The following BRD4 variants were observed in gnomAD, a reference collection of about 807,000 sequenced individuals.
BRD4 encodes bromodomain containing 4.
BRD4 carries 16 observed loss-of-function variants against 142.1 expected under a neutral mutation model. The ratio of observed to expected loss-of-function variants is 0.11; its 90% CI spans 0.08 to 0.17. The LOEUF is 0.17. Among genes scored for constraint, BRD4 ranks in the 10% least tolerant of loss-of-function variants. The pLI is 1.00. For missense variants in BRD4, 1,424 were observed against 1,810.9 expected (o/e 0.79, Z 3.88); for synonymous variants, 833 against 707.5 (o/e 1.18, Z -2.82).
intron 5 of BRD4, among the ~76,000 whole-genome samples, chr19:15,265,056 C>T (rs1284445917): frequency 6.6e-6 from 1 of 152,244 alleles, no homozygotes. Context: ...CAGGGCCTCT[C>T]CCCAAGTGCC....
In BRD4 at chr19:15,243,300, G is replaced by T; in HGVS notation, c.2769C>A (p.Leu923=). 1 of 1,487,536 alleles carries T rather than the reference G, an allele frequency of 6.7e-7. No homozygotes were observed. The highest frequency in any genetic ancestry group is 8.9e-7 in the Non-Finnish European group (1 of 1,118,260). 92.1% of individuals were successfully genotyped at this position (1,487,536 alleles called of 1,614,324 possible). Residue 923 remains leucine, a synonymous_variant, in exon 14 of 20, where the codon CTC becomes CTA. Transcript: ENST00000679869. ...GGTACAGCTGCATCTGCATGGAGGT[G>T]AGGGGTGGGGCAGGTGGCTCTTCAT... ...LEDEEPPAPP[L]TSMQMQLYLQ...
intron 1 of BRD4, among the ~76,000 whole-genome samples, chr19:15,278,105 C>CAAAAAAAAAAAAAAAAAA (rs59204229): frequency 3.6e-5 from 2 of 55,038 alleles, no homozygotes; most frequent in Admixed American, 3.2e-4. Context: ...GACTCCGTCT[C>CAAAAAAAAAAAAAAAAAA]AAAAAAAAAA....
chr19:15,298,810 A>C, intron 1 of BRD4, among the ~76,000 whole-genome samples: 1 of 152,124 alleles, frequency 6.6e-6, no homozygotes, highest in East Asian at 1.9e-4. Flanking sequence ...AAGAATGCCC[A>C]ATCATTCAAA....
At chr19:15,291,531 G>C (rs1460149704) in intron 1 of BRD4, among the ~76,000 whole-genome samples, 1 of 152,156 alleles carries the variant, frequency 6.6e-6, no homozygotes, top group African/African-American at 2.4e-5. Context: ...AGGCTCTGTG[G>C]TTCCTAATCT....
At chr19:15,316,921 C>A (rs1394897686) in intron 1 of BRD4, among the ~76,000 whole-genome samples, 1 of 152,238 alleles carries the variant, frequency 6.6e-6, no homozygotes, top group Non-Finnish European at 1.5e-5. Flanking sequence ...TGCTAGCCCC[C>A]TTCCTATGCT....
Position 15,239,759 on chromosome 19 carries a change from G to C in BRD4, c.3345C>G (p.Ile1115Met). The change falls in exon 16 of 20, where the codon ATC becomes ATG. Residue 1115 changes from isoleucine (I) to methionine (M), a missense_variant. Ile to Met is a conservative substitution (Grantham distance 10, BLOSUM62 1). This residue lies in a region of BRD4 where 598 missense variants were observed against 647.8 expected (regional missense o/e 0.92). Coordinates refer to ENST00000679869, the MANE Select transcript of BRD4 (RefSeq NM_001379291.1). The surrounding 1 kb of genome is among the most constrained non-coding windows in gnomAD (Gnocchi z 7.4). ...GCTCGCTGCGGATGATGGGTGAGTG[G>C]ATCTTCTCCTCCTTCACCACCACGA... is the stretch of plus-strand genomic sequence containing the variant. ...QPLVVVKEEKIHSPIIRSEPF... is the reference protein window; with the variant it reads ...QPLVVVKEEKMHSPIIRSEPF... The C allele has an allele frequency of 1.2e-6, 2 of 1,610,616 alleles. No homozygotes were observed. The highest frequency in any genetic ancestry group is 1.7e-5 in the Admixed American group (1 of 59,970).
At chr19:15,284,568 G>C (rs1478062265) in intron 1 of BRD4, among the ~76,000 whole-genome samples, 3 of 152,158 alleles carry the variant, frequency 2.0e-5, no homozygotes, top group Admixed American at 2.0e-4. Context: ...CCACCTTCCA[G>C]GCAACATTAA....
Position 15,244,269 on chromosome 19 carries a change from G to T in BRD4, c.2543C>A (p.Pro848Gln). 6.3e-7 allele frequency: 1 copy of T among 1,586,056 alleles called. No individual in the cohort carries two copies. The highest frequency in any genetic ancestry group is 1.3e-5 in the African/African-American group (1 of 74,700). ...HLPQPPEHST[P>Q]PHLNQHAVVS... ...CACTGCGTGCTGGTTGAGATGGGGT[G>T]GAGTGCTGTGCTCAGGCGGCTGGGG... Residue 848 changes from proline to glutamine, a missense_variant, in exon 13 of 20, where the codon CCA becomes CAA. By Grantham distance (76) the Pro-to-Gln change is moderately conservative (BLOSUM62 -1). Transcript: ENST00000679869.
At chr19:15,255,276 G>A in intron 10 of BRD4, 21 bp downstream of exon 10, 1 of 1,599,850 alleles carries the variant, frequency 6.3e-7, no homozygotes, top group South Asian at 1.1e-5. Flanking sequence ...GGAACCCCAT[G>A]CCCAGGGGGC....
intron 10 of BRD4, among the ~76,000 whole-genome samples, chr19:15,254,479 C>T (rs1039102973): frequency 6.6e-6 from 1 of 152,160 alleles, no homozygotes; most frequent in Non-Finnish European, 1.5e-5. Context: ...TTCAAGGTTC[C>T]TTCAATCTCT....
rs78288554 is a variant in BRD4 at position 15,238,714 on chromosome 19, C to T, written c.4020+29G>A. The T allele has an allele frequency of 5.8e-5, 86 of 1,483,676 alleles. No homozygotes were observed. In the East Asian group the frequency reaches 2.0e-3, roughly 34 times the overall value. The allele number at this position is 1,483,676 out of a possible 1,614,324, so 91.9% of individuals were successfully genotyped here. A position where few individuals can be genotyped will look rare whatever the true frequency, so the allele number is the denominator to read the frequency against. On this transcript the variant is annotated intron_variant, in intron 19 of 19. Transcript: ENST00000679869. The surrounding 1 kb of genome is among the most constrained non-coding windows in gnomAD (Gnocchi z 7.2). Reference sequence around the variant, plus strand: ...CTCCCTCAGGAGCTAATCCTTAGACCAGGGTCCCCACCAGGCCTCCAGACT... The same window carrying T: ...CTCCCTCAGGAGCTAATCCTTAGACTAGGGTCCCCACCAGGCCTCCAGACT...
chr19:15,277,743 T>C (rs1454387082), intron 1 of BRD4, among the ~76,000 whole-genome samples: 11 of 151,064 alleles, frequency 7.3e-5, no homozygotes, highest in Non-Finnish European at 1.3e-4. Context: ...TGAGCAGAGA[T>C]GGCGCCACTA....
chr19:15,295,064 G>A (rs1400751307), intron 1 of BRD4, among the ~76,000 whole-genome samples: 1 of 152,102 alleles, frequency 6.6e-6, no homozygotes, highest in African/African-American at 2.4e-5. Flanking sequence ...CCATAAAAGG[G>A]GGCAACAGCC....
At chr19:15,268,646 C>A (rs2047557411) in intron 3 of BRD4, among the ~76,000 whole-genome samples, 1 of 152,228 alleles carries the variant, frequency 6.6e-6, no homozygotes, top group African/African-American at 2.4e-5. Context: ...CCCAAGGGCA[C>A]CAGAAGCACA....
At position 15,238,729 on chromosome 19, in the gene BRD4, G is replaced by A; in HGVS notation, c.4020+14C>T. On this transcript the variant is annotated intron_variant, in intron 19 of 19. Transcript: ENST00000679869. This position sits in a 1 kb window ranked among gnomAD's most constrained non-coding sequence, Gnocchi z 7.2. ...ATCCTTAGACCAGGGTCCCCACCAG[G>A]CCTCCAGACTCACGGCTTCCCGGCG... 1 of 1,507,624 alleles carries A rather than the reference G, an allele frequency of 6.6e-7. No homozygotes were observed. Among genetic ancestry groups the A allele is most frequent in the East Asian group, 2.3e-5 (1 of 43,030 alleles). 93.4% of individuals were successfully genotyped at this position (1,507,624 alleles called of 1,614,324 possible). A position where few individuals can be genotyped will look rare whatever the true frequency, so the allele number is the denominator to read the frequency against.
intron 1 of BRD4, among the ~76,000 whole-genome samples, chr19:15,311,858 T>C (rs1039218671): frequency 6.6e-6 from 1 of 152,126 alleles, no homozygotes; most frequent in Non-Finnish European, 1.5e-5. Context: ...ATTCTACTTA[T>C]ATGAATAACT....
chr19:15,314,625 T>C (rs545942430), intron 1 of BRD4, among the ~76,000 whole-genome samples: 2 of 152,198 alleles, frequency 1.3e-5, no homozygotes, highest in Non-Finnish European at 2.9e-5. Flanking sequence ...ACAGCATCCA[T>C]GAGGATGTCG....
At chr19:15,256,375 G>C in intron 8 of BRD4, 112 bp from the exon 9 acceptor site, 1 of 1,360,382 alleles carries the variant, frequency 7.4e-7, no homozygotes, top group African/African-American at 1.5e-5. Flanking sequence ...TGGGGCATCA[G>C]GGTGTGGGCA....
At chr19:15,316,494 G>C (rs910630456) in intron 1 of BRD4, among the ~76,000 whole-genome samples, 4 of 152,132 alleles carry the variant, frequency 2.6e-5, no homozygotes, top group African/African-American at 7.2e-5. Context: ...AGGAGGCTGA[G>C]GCAGGAGAAT....
Sources: gnomAD v4.1 joint callset for allele counts (sites outside exome capture counted in the v4.1 genomes callset) on GRCh38, gnomAD v4.1.1 for gene constraint, gnomAD v4.1.1 regional missense constraint, Gnocchi (gnomAD v3.1) non-coding constraint, MANE v1.5 for transcripts, NCBI Gene and HGNC (gene_info 2026-07-23, HGNC 2026-07-21) for gene names.